The following GPHN variants were observed in gnomAD, a reference collection of about 807,000 sequenced individuals.
GPHN encodes the protein gephyrin.
Under a neutral mutation model 95.5 loss-of-function variants are expected in GPHN, and 17 were observed. The observed-to-expected ratio is 0.18, with a 90% CI of 0.12 to 0.27. The LOEUF (loss-of-function observed/expected upper bound fraction) is 0.27. GPHN is among the 10% of genes least tolerant of loss of function. GPHN has a pLI of 1.00. For missense variants in GPHN, 660 were observed against 978.1 expected, an observed-to-expected ratio of 0.67 and a Z score of 4.34; for synonymous variants, 320 against 322.5, an observed-to-expected ratio of 0.99 and a Z score of 0.08.
At chr14:67,352,709 C>A in the GPHN span, 4 of 444,632 alleles carry the variant, frequency 9.0e-6, no homozygotes, top group Non-Finnish European at 1.6e-5. Context: ...AGGCGGGGGG[C>A]CAATCAGATC....
chr14:67,185,968 T>C (rs953515528), downstream of GPHN, among the ~76,000 whole-genome samples: 3 of 152,188 alleles, frequency 2.0e-5, no homozygotes, highest in East Asian at 5.8e-4. Context: ...CATTCTGACA[T>C]GTTTATAAGA....
chr14:67,636,240 A>T, the GPHN span, among the ~76,000 whole-genome samples: 1 of 151,908 alleles, frequency 6.6e-6, no homozygotes, highest in South Asian at 2.1e-4. Context: ...CAGTAGGGAG[A>T]ATGGGATAGT....
chr14:66,875,483 C>T (rs2063614980), intron 4 of GPHN, among the ~76,000 whole-genome samples: 1 of 150,610 alleles, frequency 6.6e-6, no homozygotes, highest in Non-Finnish European at 1.5e-5. Context: ...AGAATCAAGA[C>T]CCATTGATGT....
At chr14:67,289,729 G>A in the GPHN span, among the ~76,000 whole-genome samples, 1 of 150,358 alleles carries the variant, frequency 6.7e-6, no homozygotes, top group South Asian at 2.1e-4. Flanking sequence ...TAAGAAGAGA[G>A]CTGACAAAAA....
chr14:67,185,521 T>G (rs2083364359), downstream of GPHN, among the ~76,000 whole-genome samples: 4 of 152,240 alleles, frequency 2.6e-5, no homozygotes, highest in Admixed American at 2.6e-4. Flanking sequence ...AAGTCTTTTT[T>G]GTCAGTAGTT....
chr14:67,724,426 A>G, the GPHN span: 1 of 1,057,658 alleles, frequency 9.5e-7, no homozygotes, highest in Non-Finnish European at 1.4e-6. Context: ...TCTTAGTGTG[A>G]GCTCGTGAAG....
the GPHN span, chr14:67,336,569 C>T: frequency 2.7e-6 from 1 of 366,628 alleles, no homozygotes; most frequent in South Asian, 2.1e-5. Context: ...TGGATCCCTA[C>T]TTCAAACTAA....
chr14:66,807,498 A>G (rs890481081), intron 3 of GPHN, among the ~76,000 whole-genome samples: 1 of 152,238 alleles, frequency 6.6e-6, no homozygotes, highest in Non-Finnish European at 1.5e-5. Context: ...TAGAATAAAT[A>G]CAAAGCATCA....
intron 1 of GPHN, among the ~76,000 whole-genome samples, chr14:66,513,637 G>A (rs551364889): frequency 6.6e-6 from 1 of 151,818 alleles, no homozygotes; most frequent in East Asian, 1.9e-4. Context: ...GGGCAGAGAA[G>A]ATAAATACCA....
chr14:66,892,070 A>T (rs1337661331), intron 5 of GPHN, among the ~76,000 whole-genome samples: 1 of 152,188 alleles, frequency 6.6e-6, no homozygotes, highest in South Asian at 2.1e-4. Context: ...ATCCTCAAGA[A>T]ATTAAGCATA....
At chr14:67,205,074 C>T in the GPHN span, 2 of 1,550,432 alleles carry the variant, frequency 1.3e-6, no homozygotes, top group South Asian at 2.4e-5. Flanking sequence ...TAATCAGGGC[C>T]AAGCAAGAGG....
At chr14:67,063,547 A>G (rs966501774) in intron 11 of GPHN, among the ~76,000 whole-genome samples, 2 of 152,058 alleles carry the variant, frequency 1.3e-5, no homozygotes, top group Non-Finnish European at 2.9e-5. Context: ...CATGATATTG[A>G]TTCTTCTATC....
chr14:66,592,494 A>G (rs35269005), intron 1 of GPHN, among the ~76,000 whole-genome samples: 1 of 151,724 alleles, frequency 6.6e-6, no homozygotes, highest in Non-Finnish European at 1.5e-5. Flanking sequence ...TGGGCGAAGG[A>G]TAGAACAGAT....
At chr14:66,545,340 C>CA (rs1403815107) in intron 1 of GPHN, among the ~76,000 whole-genome samples, 1 of 141,340 alleles carries the variant, frequency 7.1e-6, no homozygotes, top group South Asian at 2.3e-4. Flanking sequence ...GGGGGCTGAC[C>CA]CCCCCACCTC....
At chr14:67,521,619 G>A in the GPHN span, among the ~76,000 whole-genome samples, 2 of 152,142 alleles carry the variant, frequency 1.3e-5, no homozygotes, top group African/African-American at 2.4e-5. Flanking sequence ...TGAACACCTT[G>A]AGCCTGAAAA....
intron 14 of GPHN, among the ~76,000 whole-genome samples, chr14:67,111,118 C>A (rs1307330321): frequency 1.3e-5 from 2 of 152,230 alleles, no homozygotes; most frequent in African/African-American, 4.8e-5. Context: ...TGCCAAGAGA[C>A]AGACACTTTC....
At chr14:67,102,268 A>T (rs890249059) in intron 13 of GPHN, among the ~76,000 whole-genome samples, 7 of 152,188 alleles carry the variant, frequency 4.6e-5, no homozygotes, top group African/African-American at 1.7e-4. Flanking sequence ...TGGAACTAGA[A>T]GGAAACCAAA....
chr14:67,328,601 C>A, the GPHN span, among the ~76,000 whole-genome samples: 2 of 152,074 alleles, frequency 1.3e-5, no homozygotes, highest in Admixed American at 6.6e-5. Context: ...TAGGGTTTTT[C>A]TGGTTTTAGG....
At chr14:67,611,797 T>C in the GPHN span, among the ~76,000 whole-genome samples, 1 of 152,220 alleles carries the variant, frequency 6.6e-6, no homozygotes, top group Non-Finnish European at 1.5e-5. Context: ...GGTTTTGGGA[T>C]GACTTAAGTG....
Sources: gnomAD v4.1 joint callset for allele counts (sites outside exome capture counted in the v4.1 genomes callset) on GRCh38, gnomAD v4.1.1 for gene constraint, MANE v1.5 for transcripts, NCBI Gene and HGNC (gene_info 2026-07-23, HGNC 2026-07-21) for gene names.